Variants in FAM168A observed in about 807,000 individuals in gnomAD.
The protein encoded by FAM168A is family with sequence similarity 168 member A, also known as protein FAM168A.
FAM168A carries 3 observed loss-of-function variants against 28.5 expected under a neutral mutation model. That is an observed-to-expected ratio of 0.11 (90% CI 0.05 to 0.27). The LOEUF is 0.27. FAM168A is among the 10% of genes least tolerant of loss of function. The pLI is 1.00. For synonymous variants in FAM168A, 122 were observed against 124.2 expected (o/e 0.98, Z 0.12); for missense variants, 222 against 311.5 (o/e 0.71, Z 2.16).
At chr11:73,454,927 C>T (rs1867501328) in intron 2 of FAM168A, among the ~76,000 whole-genome samples, 2 of 152,292 alleles carry the variant, frequency 1.3e-5, no homozygotes, top group African/African-American at 4.8e-5. Context: ...CCTCATTTTT[C>T]CTGGATGCCA....
At chr11:73,499,239 C>A (rs1443640539) in intron 1 of FAM168A, among the ~76,000 whole-genome samples, 1 of 151,972 alleles carries the variant, frequency 6.6e-6, no homozygotes, top group African/African-American at 2.4e-5. Flanking sequence ...GAAGTGAACC[C>A]CCGGCAAACT....
At chr11:73,509,181 G>C (rs1435998359) in intron 1 of FAM168A, among the ~76,000 whole-genome samples, 4 of 152,222 alleles carry the variant, frequency 2.6e-5, no homozygotes, top group African/African-American at 9.6e-5. Flanking sequence ...CTAAGGACCA[G>C]AGAGGGAAAG....
In FAM168A at chr11:73,489,614, G is replaced by A. The variant is rs7129101; in HGVS notation, c.-18-21122C>T. Among the ~76,000 whole-genome samples the A allele has an allele frequency of 7.4e-3, 1,120 of 150,750 alleles. 17 individuals carry two copies. Among genetic ancestry groups the A allele is most frequent in the African/African-American group, 0.026 (1,081 of 40,956 alleles). The stretch of plus-strand genomic sequence containing the variant: ...TATCCTCAACTTCCTAGGCTCAAGC[G>A]ATCTTCCCATCTCAGCCTCCCGAGT... On this transcript the variant is annotated intron_variant, in intron 1 of 7. Transcript: ENST00000356467.
chr11:73,437,248 C>G (rs1220220746), intron 2 of FAM168A, among the ~76,000 whole-genome samples: 1 of 151,670 alleles, frequency 6.6e-6, no homozygotes, highest in Non-Finnish European at 1.5e-5. Flanking sequence ...CAGGCACATG[C>G]CACCCCACCT....
At chr11:73,567,792 T>A (rs1944039107) in intron 1 of FAM168A, among the ~76,000 whole-genome samples, 1 of 152,116 alleles carries the variant, frequency 6.6e-6, no homozygotes, top group African/African-American at 2.4e-5. Flanking sequence ...TCAAGGTAGA[T>A]GTGTTAATAA....
chr11:73,508,287 TA>T (rs1188998456), intron 1 of FAM168A, among the ~76,000 whole-genome samples: 3 of 152,142 alleles, frequency 2.0e-5, no homozygotes, highest in African/African-American at 2.4e-5. Flanking sequence ...TTATTACTAT[TA>T]CTCATATCCA....
intron 2 of FAM168A, among the ~76,000 whole-genome samples, chr11:73,446,894 A>C (rs748223414): frequency 3.3e-5 from 5 of 152,140 alleles, no homozygotes; most frequent in Non-Finnish European, 7.4e-5. Flanking sequence ...ATCATGCCTA[A>C]AAGTCTCTGG....
intron 2 of FAM168A, among the ~76,000 whole-genome samples, chr11:73,439,787 CTG>C (rs1383240477): frequency 6.6e-6 from 1 of 150,388 alleles, no homozygotes; most frequent in East Asian, 1.9e-4. Context: ...TCTCTGACCT[CTG>C]TGTGTTTATC....
chr11:73,525,400 A>G (rs1209575571), intron 1 of FAM168A, among the ~76,000 whole-genome samples: 1 of 152,134 alleles, frequency 6.6e-6, no homozygotes, highest in African/African-American at 2.4e-5. Flanking sequence ...AAGTTTGACT[A>G]CCTATATCTG....
At position 73,405,045 on chromosome 11, in the gene FAM168A, TGA is replaced by T. The variant is rs1324733570; in HGVS notation, c.*1716_*1717del. On this transcript the variant is annotated 3_prime_UTR_variant, in exon 8 of 8. Coordinates refer to ENST00000356467, the MANE Select transcript of FAM168A (RefSeq NM_015159.3). ...TCCCAGGGGTCCCTCTTCTCCCAGA[TGA>T]GCCTGTCTCCTGGGCCTCATCCTCA... is the stretch of plus-strand genomic sequence containing the variant. The T allele has an allele frequency of 6.6e-6, 1 of 152,232 alleles. No homozygotes were observed. The highest frequency in any genetic ancestry group is 1.5e-5 in the Non-Finnish European group (1 of 68,068). The allele number at this position is 152,232 out of a possible 1,614,324, so 9.4% of individuals were successfully genotyped here.
intron 1 of FAM168A, among the ~76,000 whole-genome samples, chr11:73,534,766 G>A (rs1943556663): frequency 6.6e-6 from 1 of 152,148 alleles, no homozygotes; most frequent in South Asian, 2.1e-4. Context: ...ATGAAAATCT[G>A]TCTGAGAACC....
intron 1 of FAM168A, among the ~76,000 whole-genome samples, chr11:73,526,251 T>A (rs1000933503): frequency 6.6e-6 from 1 of 152,128 alleles, no homozygotes; most frequent in Non-Finnish European, 1.5e-5. Flanking sequence ...ATTTAAAAAA[T>A]TAACTTCACT....
intron 4 of FAM168A, among the ~76,000 whole-genome samples, chr11:73,413,371 A>T (rs901407928): frequency 6.6e-6 from 1 of 152,244 alleles, no homozygotes; most frequent in Non-Finnish European, 1.5e-5. Flanking sequence ...CATGTTAAAG[A>T]GAAGTAGAAA....
At chr11:73,474,687 T>C (rs892211935) in intron 1 of FAM168A, among the ~76,000 whole-genome samples, 2 of 152,172 alleles carry the variant, frequency 1.3e-5, no homozygotes, top group Admixed American at 1.3e-4. Context: ...CTTTCCCCCA[T>C]TAGAGTAAGG....
intron 5 of FAM168A, 65 bp from the exon 6 acceptor site, chr11:73,409,726 C>T: frequency 3.3e-6 from 5 of 1,502,274 alleles, no homozygotes; most frequent in African/African-American, 1.4e-5. Flanking sequence ...GAGAGAGCAG[C>T]ACTGGCTGAA....
Position 73,574,718 on chromosome 11 carries a change from ATTT to A in FAM168A, c.-19+23202_-19+23204del, listed in dbSNP as rs10568027. Among the ~76,000 whole-genome samples the A allele has an allele frequency of 3.7e-3, 331 of 88,634 alleles. 2 individuals carry two copies. Among genetic ancestry groups the A allele is most frequent in the African/African-American group, 0.012 (305 of 25,688 alleles). 58.1% of individuals were successfully genotyped at this position (88,634 alleles called of 152,430 possible). A position where few individuals can be genotyped will look rare whatever the true frequency, so the allele number is the denominator to read the frequency against. On this transcript the variant is annotated intron_variant, in intron 1 of 7. Transcript: ENST00000356467. The stretch of plus-strand genomic sequence containing the variant: ...GCTGGGATGTGCCACTACACCTGGC[ATTT>A]TTTTTTTTTTTTTTTTTTTTTTAGT...
At chr11:73,565,054 G>C (rs946371960) in intron 1 of FAM168A, among the ~76,000 whole-genome samples, 1 of 152,108 alleles carries the variant, frequency 6.6e-6, no homozygotes, top group Admixed American at 6.5e-5. Flanking sequence ...TGGGCACTGA[G>C]GCCTCAAGGG....
chr11:73,481,065 C>T (rs1742597808), intron 1 of FAM168A, among the ~76,000 whole-genome samples: 2 of 151,370 alleles, frequency 1.3e-5, no homozygotes, highest in Admixed American at 1.3e-4. Context: ...CTCCTTCCCT[C>T]TATCCCTCAG....
chr11:73,529,016 C>A (rs1943482508), intron 1 of FAM168A, among the ~76,000 whole-genome samples: 1 of 152,132 alleles, frequency 6.6e-6, no homozygotes, highest in Non-Finnish European at 1.5e-5. Flanking sequence ...AAAAAGTACC[C>A]TGCTGCTAGG....
Sources: allele counts gnomAD v4.1 joint callset (sites outside exome capture counted in the v4.1 genomes callset), GRCh38; gene constraint gnomAD v4.1.1; transcripts MANE v1.5; gene names NCBI Gene and HGNC (gene_info 2026-07-23, HGNC 2026-07-21).